The following EFEMP1 variants were observed in gnomAD, a reference collection of about 807,000 sequenced individuals.
EFEMP1 encodes EGF-containing fibulin-like extracellular matrix protein 1.
Under a neutral mutation model 65.7 loss-of-function variants are expected in EFEMP1, and 18 were observed. The ratio of observed to expected loss-of-function variants is 0.27; its 90% CI spans 0.19 to 0.41. The LOEUF (loss-of-function observed/expected upper bound fraction) is 0.41, where lower values mean the gene tolerates loss of function less well. EFEMP1 is among the 10% of genes least tolerant of loss of function. The pLI is 1.00. For synonymous variants in EFEMP1, 237 were observed against 219.7 expected (o/e 1.08, Z -0.70); for missense variants, 469 against 624.8 (o/e 0.75, Z 2.66).
chr2:55,901,296 A>G (rs1212797686), intron 5 of EFEMP1, among the ~76,000 whole-genome samples: 3 of 152,236 alleles, frequency 2.0e-5, no homozygotes, highest in Non-Finnish European at 4.4e-5. Flanking sequence ...AATCAGCAAT[A>G]AAGAGTTTTT....
At chr2:55,902,202 A>G (rs1670063668) in intron 5 of EFEMP1, among the ~76,000 whole-genome samples, 1 of 152,270 alleles carries the variant, frequency 6.6e-6, no homozygotes, top group Non-Finnish European at 1.5e-5. Context: ...TAACTAGCAC[A>G]TAGACTTCCT....
chr2:55,914,667 A>G (rs1481142382), intron 5 of EFEMP1, among the ~76,000 whole-genome samples: 1 of 152,238 alleles, frequency 6.6e-6, no homozygotes. Flanking sequence ...GCTAAAAAAT[A>G]TACATAGAAA....
Position 55,886,966 on chromosome 2 carries a change from A to G in EFEMP1, c.518-5232T>C, listed in dbSNP as rs1181100323. Among the ~76,000 whole-genome samples the G allele has an allele frequency of 6.6e-6, 1 of 152,198 alleles. No homozygotes were observed. Among genetic ancestry groups the G allele is most frequent in the Non-Finnish European group, 1.5e-5 (1 of 68,024 alleles). On this transcript the variant is annotated intron_variant, in intron 5 of 11. Transcript: ENST00000355426. This position sits in a 1 kb window ranked among gnomAD's most constrained non-coding sequence, Gnocchi z 4.0. ...TTTAGAAAAAAGTATATAATATTTT[A>G]TACAGATTCATATACAAACTTGGTA...
rs1297579865 is a variant in EFEMP1, at chr2:55,870,197, T to C, written c.1320+523A>G. Among the ~76,000 whole-genome samples, 1 of 152,130 alleles carries C rather than the reference T, an allele frequency of 6.6e-6. No homozygotes were observed. The highest frequency in any genetic ancestry group is 1.5e-5 in the Non-Finnish European group (1 of 68,006). On this transcript the variant is annotated intron_variant, in intron 11 of 11. Transcript: ENST00000355426. The surrounding 1 kb of genome is among the most constrained non-coding windows in gnomAD (Gnocchi z 5.8). ...CTTCTCACATACTTATAGGTTTTAG[T>C]TTCGGTGTGAACACAAACTGTCTTG... is the stretch of plus-strand genomic sequence containing the variant.
At chr2:55,918,292 G>A (rs1670786426) in intron 3 of EFEMP1, 25 bp from the exon 4 acceptor site, 2 of 1,613,976 alleles carry the variant, frequency 1.2e-6, no homozygotes, top group African/African-American at 2.7e-5. Flanking sequence ...TCAAAGGTGG[G>A]GCCAGGAGAC....
At position 55,923,719 on chromosome 2, in the gene EFEMP1, C is replaced by G. The variant is rs1217998827; in HGVS notation, c.-57G>C. On this transcript the variant is annotated 5_prime_UTR_variant, in exon 1 of 12. Coordinates refer to ENST00000355426, the MANE Select transcript of EFEMP1 (RefSeq NM_001039348.3). This position sits in a 1 kb window ranked among gnomAD's most constrained non-coding sequence, Gnocchi z 5.3. ...CCGTTGGGGGCTCCTACCTGTGCGG[C>G]CGCGCTGCGCTCCGGGCCCGGGCAG... is the stretch of plus-strand genomic sequence containing the variant. The G allele has an allele frequency of 2.0e-6, 2 of 985,632 alleles. No individual in the cohort carries two copies. The highest frequency in any genetic ancestry group is 2.4e-6 in the Non-Finnish European group (2 of 830,230). The allele number at this position is 985,632 out of a possible 1,614,324, so 61.1% of individuals were successfully genotyped here.
Position 55,866,678 on chromosome 2 carries a change from C to T in EFEMP1, c.*395G>A, listed in dbSNP as rs571754691. 1.8e-5 allele frequency: 3 copies of T among 168,712 alleles called. No individual in the cohort carries two copies. Among genetic ancestry groups the T allele is most frequent in the Non-Finnish European group, 3.8e-5 (3 of 78,148 alleles). 10.5% of individuals were successfully genotyped at this position (168,712 alleles called of 1,614,324 possible). ...AAAGCAGTTAAAAACTCATTCTTAC[C>T]CTTGCATGCTATTCAATGGTTATGA... On this transcript the variant is annotated 3_prime_UTR_variant, in exon 12 of 12. Transcript: ENST00000355426.
chr2:55,902,780 C>T (rs138082573), intron 5 of EFEMP1, among the ~76,000 whole-genome samples: 30 of 152,306 alleles, frequency 2.0e-4, no homozygotes, highest in African/African-American at 6.7e-4. Flanking sequence ...GCATTCTTCC[C>T]AAGGTGGATT....
rs768998905 is a variant in EFEMP1, at chr2:55,876,651, C to A, written c.852G>T (p.Glu284Asp). The change falls in exon 8 of 12, where the codon GAG becomes GAT. Residue 284 changes from glutamate to aspartate, a missense_variant. Physicochemically the swap from Glu to Asp is conservative, Grantham distance 45. This residue lies in a region of EFEMP1 where 399 missense variants were observed against 528.2 expected (regional missense o/e 0.76). Transcript: ENST00000355426. ...CACAGTTGAGCCTGTCACTGCTTAGCTCATATCCTTGATTGCACTGACAGA... is the reference window on the plus strand; with the variant it reads ...CACAGTTGAGCCTGTCACTGCTTAGATCATATCCTTGATTGCACTGACAGA... ...SFICQCNQGY[E>D]LSSDRLNCED... 9.3e-6 allele frequency: 15 copies of A among 1,612,376 alleles called. No homozygotes were observed. The highest frequency in any genetic ancestry group is 1.2e-5 in the Non-Finnish European group (14 of 1,178,884).
rs1326082501 is a variant in EFEMP1 at position 55,922,301 on chromosome 2, CT to C, written c.81+58del. The C allele has an allele frequency of 2.6e-6, 4 of 1,544,332 alleles. No homozygotes were observed. In the African/African-American group the frequency reaches 4.1e-5, roughly 16 times the overall value. On this transcript the variant is annotated intron_variant, in intron 3 of 11. Transcript: ENST00000355426. The surrounding 1 kb of genome is among the most constrained non-coding windows in gnomAD (Gnocchi z 5.5). ...ATACACTGGCAGGGGTGTGTAAAGT[CT>C]TTTTTTGTCACAGAATCCCGCTGAA...
intron 5 of EFEMP1, among the ~76,000 whole-genome samples, chr2:55,892,761 T>C (rs1449315495): frequency 1.3e-5 from 2 of 152,130 alleles, no homozygotes; most frequent in Admixed American, 1.3e-4. Flanking sequence ...AAGCCAGTTA[T>C]GCAGTTGATG....
chr2:55,887,603 T>C (rs559792151), intron 5 of EFEMP1, among the ~76,000 whole-genome samples: 1 of 152,352 alleles, frequency 6.6e-6, no homozygotes, highest in East Asian at 1.9e-4. Flanking sequence ...GCTAAGCAGT[T>C]CTAGTGGAGA....
At chr2:55,905,794 G>C (rs995667483) in intron 5 of EFEMP1, among the ~76,000 whole-genome samples, 4 of 152,126 alleles carry the variant, frequency 2.6e-5, no homozygotes, top group Non-Finnish European at 4.4e-5. Flanking sequence ...TCCTAATACT[G>C]TTTGTAGCCA....
intron 5 of EFEMP1, among the ~76,000 whole-genome samples, chr2:55,894,190 A>G (rs931166106): frequency 3.3e-5 from 5 of 152,192 alleles, no homozygotes; most frequent in Admixed American, 6.5e-5. Context: ...ATTAGAACCT[A>G]CATGTAATTC....
At chr2:55,878,420 G>C (rs1669115886) in intron 6 of EFEMP1, among the ~76,000 whole-genome samples, 1 of 152,116 alleles carries the variant, frequency 6.6e-6, no homozygotes, top group African/African-American at 2.4e-5. Flanking sequence ...TACCTCTTGA[G>C]AGTGCTCTTT....
chr2:55,880,467 G>T (rs1268024573), intron 6 of EFEMP1, among the ~76,000 whole-genome samples: 2 of 152,154 alleles, frequency 1.3e-5, no homozygotes, highest in African/African-American at 4.8e-5. Context: ...TTAAATCACA[G>T]CTTCATTTAT....
In EFEMP1 at chr2:55,877,083, G is replaced by A. The variant is rs143659836; in HGVS notation, c.761-341C>T. 6.6e-6 allele frequency among the ~76,000 whole-genome samples: 1 copy of A among 152,134 alleles called. No individual in the cohort carries two copies. The highest frequency in any genetic ancestry group is 2.4e-5 in the African/African-American group (1 of 41,530). On this transcript the variant is annotated intron_variant, in intron 7 of 11. Coordinates refer to ENST00000355426, the MANE Select transcript of EFEMP1 (RefSeq NM_001039348.3). This position sits in a 1 kb window ranked among gnomAD's most constrained non-coding sequence, Gnocchi z 4.5. ...ACTCCGGTATCGATTTTCTTTTGTT[G>A]TTCAGATACAAAATGCCAATTCTAT...
rs1235592748 is a variant in EFEMP1, at chr2:55,883,486, T to A, written c.518-1752A>T. Among the ~76,000 whole-genome samples the A allele has an allele frequency of 6.6e-6, 1 of 152,200 alleles. No individual in the cohort carries two copies. The highest frequency in any genetic ancestry group is 1.9e-4 in the East Asian group (1 of 5,194). ...TGACAGCAGAGTATCTATTGTTTTA[T>A]GTCAAGAACATTTGCCAGCATTTGC... On this transcript the variant is annotated intron_variant, in intron 5 of 11. Transcript: ENST00000355426. The surrounding 1 kb of genome is among the most constrained non-coding windows in gnomAD (Gnocchi z 4.5).
In EFEMP1 at chr2:55,923,640, C is replaced by T. The variant is rs921944163; in HGVS notation, c.-49+71G>A. On this transcript the variant is annotated intron_variant, in intron 1 of 11. Coordinates refer to ENST00000355426, the MANE Select transcript of EFEMP1 (RefSeq NM_001039348.3). This position sits in a 1 kb window ranked among gnomAD's most constrained non-coding sequence, Gnocchi z 5.3. ...ACTCAACACCCCTCAGCTCACCCCACCTCACTCTCCCGCGCGCGGCCCAGT... is the reference window on the plus strand; with the variant it reads ...ACTCAACACCCCTCAGCTCACCCCATCTCACTCTCCCGCGCGCGGCCCAGT... 1 of 985,570 alleles carries T rather than the reference C, an allele frequency of 1.0e-6. No individual in the cohort carries two copies. Among genetic ancestry groups the T allele is most frequent in the African/African-American group, 1.7e-5 (1 of 57,212 alleles). The allele number at this position is 985,570 out of a possible 1,614,324, so 61.1% of individuals were successfully genotyped here.
Sources: gnomAD v4.1 joint callset for allele counts (sites outside exome capture counted in the v4.1 genomes callset) on GRCh38, gnomAD v4.1.1 for gene constraint, gnomAD v4.1.1 regional missense constraint, Gnocchi (gnomAD v3.1) non-coding constraint, MANE v1.5 for transcripts, NCBI Gene and HGNC (gene_info 2026-07-23, HGNC 2026-07-21) for gene names.